LIN7A: variants seen among roughly 807,000 people sequenced by gnomAD.
The protein encoded by LIN7A is protein lin-7 homolog A.
In LIN7A, 25 loss-of-function variants were observed where a neutral mutation model predicts 29.8. The ratio of observed to expected loss-of-function variants is 0.84; its 90% confidence interval spans 0.61 to 1.17. LIN7A has a LOEUF of 1.17. Among genes scored for constraint, LIN7A ranks in the 50% most tolerant of loss-of-function variants. LIN7A has a pLI of 0.00. For synonymous variants in LIN7A, 118 were observed against 107.5 expected (o/e 1.10, Z -0.60); for missense variants, 239 against 287.0 (o/e 0.83, Z 1.21).
chr12:80,868,825 G>C (rs1874277630), intron 2 of LIN7A, among the ~76,000 whole-genome samples: 1 of 152,088 alleles, frequency 6.6e-6, no homozygotes, highest in African/African-American at 2.4e-5. Flanking sequence ...CTTGCCTCTG[G>C]GCTGGTTTCA....
At chr12:80,891,605 C>T (rs370718829) in intron 1 of LIN7A, among the ~76,000 whole-genome samples, 3 of 152,234 alleles carry the variant, frequency 2.0e-5, no homozygotes, top group South Asian at 2.1e-4. Context: ...CTTGCTTTCA[C>T]GGAACTCACA....
intron 1 of LIN7A, among the ~76,000 whole-genome samples, chr12:80,913,560 G>C (rs1211993464): frequency 6.6e-6 from 1 of 152,162 alleles, no homozygotes; most frequent in African/African-American, 2.4e-5. Flanking sequence ...AAAAGAGAAG[G>C]CTAAAACAGC....
intron 1 of LIN7A, among the ~76,000 whole-genome samples, chr12:80,919,091 C>CCTAA (rs1877167766): frequency 1.3e-5 from 2 of 152,172 alleles, no homozygotes; most frequent in Admixed American, 6.5e-5. Context: ...AATAAAATCA[C>CCTAA]CTAATGCTTC....
chr12:80,809,770 C>T (rs1871201364), intron 5 of LIN7A, among the ~76,000 whole-genome samples: 1 of 152,062 alleles, frequency 6.6e-6, no homozygotes, highest in Admixed American at 6.6e-5. Context: ...TAATATACAG[C>T]AAAACCTGAT....
intron 5 of LIN7A, among the ~76,000 whole-genome samples, chr12:80,800,357 C>T (rs898622642): frequency 2.6e-5 from 4 of 151,706 alleles, no homozygotes; most frequent in Admixed American, 6.6e-5. Flanking sequence ...GGTGTGGTGG[C>T]GCATGCCTCT....
chr12:80,832,209 A>G (rs900837723), intron 4 of LIN7A, among the ~76,000 whole-genome samples: 1 of 152,172 alleles, frequency 6.6e-6, no homozygotes, highest in Non-Finnish European at 1.5e-5. Flanking sequence ...CTTATGAAAA[A>G]CTTAACTTGG....
intron 4 of LIN7A, among the ~76,000 whole-genome samples, chr12:80,841,346 A>G (rs750742474): frequency 1.3e-3 from 2 of 1,566 alleles, no homozygotes; most frequent in Non-Finnish European, 6.8e-3. Context: ...GAGGGAGGGA[A>G]GGAAGGAAGG....
intron 5 of LIN7A, among the ~76,000 whole-genome samples, chr12:80,801,874 ACT>A (rs998223215): frequency 1.0e-4 from 15 of 145,338 alleles, no homozygotes; most frequent in Non-Finnish European, 2.1e-4. Context: ...TCACTATTCT[ACT>A]CTCTACTTCT....
chr12:80,907,995 A>C (rs899141048), intron 1 of LIN7A, among the ~76,000 whole-genome samples: 9 of 152,122 alleles, frequency 5.9e-5, no homozygotes, highest in African/African-American at 2.2e-4. Flanking sequence ...AGATAAGCAA[A>C]CCAAAACCAA....
At chr12:80,900,939 G>A (rs1016327964) in intron 1 of LIN7A, among the ~76,000 whole-genome samples, 4 of 152,104 alleles carry the variant, frequency 2.6e-5, no homozygotes, top group Admixed American at 1.3e-4. Flanking sequence ...GAAAAGAACC[G>A]AAGGGTATGA....
intron 4 of LIN7A, among the ~76,000 whole-genome samples, chr12:80,835,237 G>A (rs1349350882): frequency 2.0e-5 from 3 of 152,146 alleles, no homozygotes; most frequent in Admixed American, 1.3e-4. Flanking sequence ...TTTGGTGAAA[G>A]GCTGTTTAAT....
chr12:80,885,209 C>T (rs553935233), intron 2 of LIN7A, among the ~76,000 whole-genome samples: 31 of 152,222 alleles, frequency 2.0e-4, no homozygotes, highest in East Asian at 1.5e-3. Context: ...CGGGAATTCT[C>T]TTATTAAAAA....
At chr12:80,937,461 T>G in intron 1 of LIN7A, 180 bp downstream of exon 1, 1 of 416,182 alleles carries the variant, frequency 2.4e-6, no homozygotes, top group Non-Finnish European at 4.2e-6. Flanking sequence ...AGCGGGAACG[T>G]AGCGGGGAGA....
intron 1 of LIN7A, among the ~76,000 whole-genome samples, chr12:80,909,433 G>A (rs564917285): frequency 1.4e-3 from 219 of 152,234 alleles, no homozygotes; most frequent in African/African-American, 5.0e-3. Context: ...CATTGAGGCT[G>A]CTATTGAAAA....
intron 1 of LIN7A, among the ~76,000 whole-genome samples, chr12:80,918,100 T>G (rs774768916): frequency 2.1e-4 from 32 of 152,184 alleles, no homozygotes; most frequent in Admixed American, 2.0e-4. Flanking sequence ...CAGGCTGAAG[T>G]GCAGTGGCAC....
chr12:80,919,173 C>A (rs992080236), intron 1 of LIN7A, among the ~76,000 whole-genome samples: 3 of 152,158 alleles, frequency 2.0e-5, no homozygotes, highest in African/African-American at 7.2e-5. Flanking sequence ...AAATAAGCAC[C>A]AAAAATTAAC....
intron 1 of LIN7A, 80 bp from the exon 2 acceptor site, chr12:80,889,449 A>C: frequency 1.2e-6 from 1 of 865,050 alleles, no homozygotes; most frequent in Non-Finnish European, 1.9e-6. Context: ...TTCCAGTTGG[A>C]TGATGACATT....
intron 1 of LIN7A, among the ~76,000 whole-genome samples, chr12:80,910,808 C>A (rs960096195): frequency 6.6e-6 from 1 of 152,124 alleles, no homozygotes; most frequent in Non-Finnish European, 1.5e-5. Context: ...GCCACTCGTA[C>A]ATTCATATCC....
intron 1 of LIN7A, among the ~76,000 whole-genome samples, chr12:80,922,133 A>G (rs758553263): frequency 6.6e-5 from 10 of 152,378 alleles, no homozygotes; most frequent in Non-Finnish European, 1.5e-4. Flanking sequence ...GGCCTACAGG[A>G]GTAAACATCT....
Sources: gnomAD v4.1 joint callset for allele counts (sites outside exome capture counted in the v4.1 genomes callset) on GRCh38, gnomAD v4.1.1 for gene constraint, MANE v1.5 for transcripts, NCBI Gene and HGNC (gene_info 2026-07-23, HGNC 2026-07-21) for gene names.